ANK2: variants seen among roughly 807,000 people sequenced by gnomAD.
The protein encoded by ANK2 is ankyrin 2, also known as ankyrin-2.
In ANK2, 83 loss-of-function variants were observed where a neutral mutation model predicts 360.5. The ratio of observed to expected loss-of-function variants is 0.23; its 90% CI spans 0.19 to 0.28. The LOEUF (loss-of-function observed/expected upper bound fraction) is 0.28. ANK2 is among the 10% of genes least tolerant of loss of function. The pLI is 1.00. For synonymous variants in ANK2, 1,740 were observed against 1,759.5 expected, an observed-to-expected ratio of 0.99 and a Z score of 0.28; for missense variants, 4,201 against 4,795.7, an observed-to-expected ratio of 0.88 and a Z score of 3.66.
At chr4:113,139,041 A>G (rs2096545241) in intron 1 of ANK2, among the ~76,000 whole-genome samples, 1 of 152,222 alleles carries the variant, frequency 6.6e-6, no homozygotes, top group Non-Finnish European at 1.5e-5. Flanking sequence ...ATAAATGATC[A>G]TTAGTACAAT....
At chr4:113,046,220 C>T (rs1009793392), upstream of ANK2, among the ~76,000 whole-genome samples, 2 of 152,218 alleles carry the variant, frequency 1.3e-5, no homozygotes, top group Admixed American at 6.5e-5. Context: ...GTAATTGATA[C>T]AATACTACCG....
intron 1 of ANK2, among the ~76,000 whole-genome samples, chr4:112,894,785 T>C (rs72892413): frequency 0.022 from 3,379 of 152,240 alleles, 142 homozygotes; most frequent in African/African-American, 0.077. Flanking sequence ...AAGAGGGAAG[T>C]TTGTTATATT....
intron 11 of ANK2, among the ~76,000 whole-genome samples, chr4:113,257,666 G>T (rs933046110): frequency 2.6e-5 from 4 of 152,144 alleles, no homozygotes; most frequent in African/African-American, 9.7e-5. Flanking sequence ...CCCTTCAGAA[G>T]AATATATGCT....
chr4:112,757,515 A>G, the ANK2 span, among the ~76,000 whole-genome samples: 1 of 152,220 alleles, frequency 6.6e-6, no homozygotes, highest in East Asian at 1.9e-4. Flanking sequence ...TATTTTACAC[A>G]CATTAATTTA....
chr4:113,174,422 A>C lies in ANK2; in HGVS notation c.91A>C (p.Ser31Arg). 1 of 1,612,290 alleles carries C rather than the reference A, an allele frequency of 6.2e-7. No individual in the cohort carries two copies. Among genetic ancestry groups the C allele is most frequent in the Non-Finnish European group, 8.5e-7 (1 of 1,178,892 alleles). ...TCTTTTATTTTTCTCGCAGTCTGAC[A>C]GCAATGCAAGCTTCCTCCGTGCTGC... The part of the protein sequence containing the change: ...QRRKRPKKSD[S>R]NASFLRAARA... The change falls in exon 2 of 46, where the codon AGC (serine) becomes CGC (arginine). Residue 31 changes from serine to arginine, a missense_variant. Transcript: ENST00000357077.
chr4:112,997,519 C>T (rs908615539), intron 2 of ANK2, among the ~76,000 whole-genome samples: 1 of 152,138 alleles, frequency 6.6e-6, no homozygotes, highest in Non-Finnish European at 1.5e-5. Flanking sequence ...GATGCCTCCA[C>T]AAAATCCCTT....
the ANK2 span, among the ~76,000 whole-genome samples, chr4:112,786,677 A>G: frequency 6.6e-6 from 1 of 151,564 alleles, no homozygotes; most frequent in East Asian, 1.9e-4. Context: ...GGTGTGAGCC[A>G]CCATGCCCAG....
At chr4:113,195,300 A>T (rs2098731975) in intron 2 of ANK2, among the ~76,000 whole-genome samples, 1 of 152,150 alleles carries the variant, frequency 6.6e-6, no homozygotes, top group South Asian at 2.1e-4. Flanking sequence ...ACAGTGTAAG[A>T]AGGACAGTTT....
chr4:113,111,206 T>A (rs1349564825), intron 1 of ANK2, among the ~76,000 whole-genome samples: 3 of 152,168 alleles, frequency 2.0e-5, no homozygotes, highest in Non-Finnish European at 2.9e-5. Context: ...ATCAATCTTT[T>A]TCTTTTGCAA....
chr4:113,114,919 T>C (rs781678441), intron 1 of ANK2, among the ~76,000 whole-genome samples: 19 of 152,202 alleles, frequency 1.2e-4, no homozygotes, highest in Admixed American at 2.6e-4. Context: ...CCACATTTCC[T>C]TGGGACTCAT....
intron 2 of ANK2, among the ~76,000 whole-genome samples, chr4:113,029,994 T>C (rs147949355): frequency 3.3e-5 from 5 of 152,222 alleles, no homozygotes; most frequent in African/African-American, 1.2e-4. Context: ...GCTAATAAGA[T>C]ATAGTTTTCC....
the ANK2 span, among the ~76,000 whole-genome samples, chr4:112,809,762 A>G: frequency 0.089 from 13,153 of 147,076 alleles, 823 homozygotes; most frequent in African/African-American, 0.18. Flanking sequence ...TGAGCCTGGG[A>G]AAGTCAAGGC....
At chr4:112,958,782 GATA>G (rs2032879911) in intron 2 of ANK2, among the ~76,000 whole-genome samples, 1 of 152,084 alleles carries the variant, frequency 6.6e-6, no homozygotes, top group African/African-American at 2.4e-5. Flanking sequence ...CCTTCTCAAT[GATA>G]ATGATTGTCT....
At chr4:113,135,180 T>C (rs2096316080) in intron 1 of ANK2, among the ~76,000 whole-genome samples, 5 of 151,774 alleles carry the variant, frequency 3.3e-5, no homozygotes, top group Admixed American at 3.3e-4. Flanking sequence ...GGCTGTTGTC[T>C]CTAAAAGGTT....
intron 1 of ANK2, chr4:113,145,582 C>T (rs1277674580): frequency 9.6e-7 from 1 of 1,041,324 alleles, no homozygotes; most frequent in East Asian, 7.6e-5. Flanking sequence ...CCCCTCACTC[C>T]ATTGACATGC....
intron 2 of ANK2, among the ~76,000 whole-genome samples, chr4:113,182,708 GA>G (rs1180717441): frequency 6.6e-6 from 1 of 152,232 alleles, no homozygotes; most frequent in Non-Finnish European, 1.5e-5. Context: ...TTAGTAATGT[GA>G]TGGAAACTGG....
rs60510554 is a variant in ANK2, at chr4:112,850,504, C to CTTTTTTTTTTTT, written c.-40+32259_-40+32270dup. Among the ~76,000 whole-genome samples the CTTTTTTTTTTTT allele has an allele frequency of 8.6e-4, 5 of 5,818 alleles. 1 individual carries two copies. Among genetic ancestry groups the CTTTTTTTTTTTT allele is most frequent in the Non-Finnish European group, 1.2e-3 (4 of 3,408 alleles). The allele number at this position is 5,818 out of a possible 152,430, so 3.8% of individuals were successfully genotyped here. A position where few individuals can be genotyped will look rare whatever the true frequency, so the allele number is the denominator to read the frequency against. The stretch of plus-strand genomic sequence containing the variant: ...TTTTTTTAACATTTCCTGTGCTAGT[C>CTTTTTTTTTTTT]TTTTTTTTTTTTTTTTTTTTTTTTT... On this transcript the variant is annotated intron_variant, in intron 1 of 30. Transcript: ENST00000503271.
chr4:113,148,919 T>A (rs2096934033), intron 1 of ANK2, among the ~76,000 whole-genome samples: 2 of 152,188 alleles, frequency 1.3e-5, no homozygotes, highest in African/African-American at 4.8e-5. Context: ...TTTCTGAACA[T>A]AATTGAGTCT....
chr4:112,870,716 T>C (rs2072657949), intron 1 of ANK2, among the ~76,000 whole-genome samples: 1 of 152,226 alleles, frequency 6.6e-6, no homozygotes. Context: ...AATCAGGAAG[T>C]GTGGTTCTCC....
Sources: gnomAD v4.1 joint callset for allele counts (sites outside exome capture counted in the v4.1 genomes callset) on GRCh38, gnomAD v4.1.1 for gene constraint, MANE v1.5 for transcripts, NCBI Gene and HGNC (gene_info 2026-07-23, HGNC 2026-07-21) for gene names.